The following EPHA6 variants were observed in gnomAD, a reference collection of about 807,000 sequenced individuals.
The protein encoded by EPHA6 is EPH receptor A6, also known as ephrin type-A receptor 6.
In EPHA6, 50 loss-of-function variants were observed where a neutral mutation model predicts 112.0. That is an observed-to-expected ratio of 0.45 (90% CI 0.36 to 0.56). The LOEUF is 0.56. Ranked by LOEUF, EPHA6 falls within the 20% of genes least tolerant of loss-of-function variation. The probability of loss-of-function intolerance (pLI) is 0.00; values close to 1 mark genes in which losing one functional copy is unlikely to be tolerated. For synonymous variants in EPHA6, 529 were observed against 490.7 expected (o/e 1.08, Z -1.03); for missense variants, 1,280 against 1,417.4 (o/e 0.90, Z 1.56).
intron 15 of EPHA6, 119 bp downstream of exon 15, chr3:97,720,529 G>T: frequency 1.2e-6 from 1 of 822,048 alleles, no homozygotes; most frequent in Non-Finnish European, 1.8e-6. Flanking sequence ...ACTTCTCATG[G>T]TCTATGGCTG....
chr3:97,053,765 A>T (rs756279586), intron 3 of EPHA6, among the ~76,000 whole-genome samples: 6 of 152,238 alleles, frequency 3.9e-5, no homozygotes, highest in South Asian at 2.1e-4. Flanking sequence ...TTTTACATTT[A>T]TCCGAATGAG....
intron 10 of EPHA6, among the ~76,000 whole-genome samples, chr3:97,527,189 T>C (rs2092633086): frequency 1.3e-5 from 2 of 152,172 alleles, no homozygotes; most frequent in Admixed American, 1.3e-4. Flanking sequence ...TGGATGCTTT[T>C]GGAAGCAGGC....
intron 5 of EPHA6, among the ~76,000 whole-genome samples, chr3:97,282,818 A>T (rs941421920): frequency 2.0e-5 from 3 of 152,182 alleles, no homozygotes; most frequent in Non-Finnish European, 4.4e-5. Context: ...GGGGAACAAC[A>T]CACACCGGGG....
chr3:96,992,897 A>G (rs979769417), intron 3 of EPHA6, among the ~76,000 whole-genome samples: 2 of 152,124 alleles, frequency 1.3e-5, no homozygotes, highest in African/African-American at 2.4e-5. Flanking sequence ...CAAAGTTATT[A>G]TCACTCTCCT....
chr3:97,054,681 G>C (rs1343129373), intron 3 of EPHA6, among the ~76,000 whole-genome samples: 1 of 150,362 alleles, frequency 6.7e-6, no homozygotes, highest in East Asian at 2.0e-4. Context: ...TCAATAATAA[G>C]AAAGAAATAT....
intron 13 of EPHA6, among the ~76,000 whole-genome samples, chr3:97,618,668 T>C (rs1576094453): frequency 6.6e-6 from 1 of 151,968 alleles, no homozygotes; most frequent in East Asian, 1.9e-4. Flanking sequence ...CTAGAAGAAA[T>C]TGATAAGTTC....
intron 1 of EPHA6, among the ~76,000 whole-genome samples, chr3:96,821,299 C>A (rs1022796184): frequency 3.3e-5 from 5 of 151,820 alleles, no homozygotes; most frequent in African/African-American, 1.2e-4. Context: ...TTAGAAAATT[C>A]ATATTCTGGA....
intron 3 of EPHA6, among the ~76,000 whole-genome samples, chr3:97,194,617 G>C (rs939695180): frequency 3.5e-5 from 5 of 144,500 alleles, no homozygotes; most frequent in Non-Finnish European, 7.7e-5. Context: ...TCCACTGTTT[G>C]TTGTTGATTT....
At chr3:97,456,430 T>C (rs934850491) in intron 7 of EPHA6, among the ~76,000 whole-genome samples, 1 of 152,084 alleles carries the variant, frequency 6.6e-6, no homozygotes, top group Admixed American at 6.6e-5. Flanking sequence ...CTTTCTCATT[T>C]TTATACCTCT....
At chr3:97,267,284 C>T (rs1000488877) in intron 5 of EPHA6, among the ~76,000 whole-genome samples, 1 of 151,818 alleles carries the variant, frequency 6.6e-6, no homozygotes, top group Non-Finnish European at 1.5e-5. Flanking sequence ...TCTCTTAATG[C>T]TTTTTATGAA....
intron 2 of EPHA6, among the ~76,000 whole-genome samples, chr3:96,948,067 A>G (rs2041362016): frequency 1.3e-5 from 2 of 152,112 alleles, no homozygotes; most frequent in Admixed American, 6.6e-5. Context: ...TGTACCTGGG[A>G]TTTTTGAAAA....
chr3:97,026,587 A>C (rs1335167761), intron 3 of EPHA6, among the ~76,000 whole-genome samples: 1 of 152,022 alleles, frequency 6.6e-6, no homozygotes, highest in African/African-American at 2.4e-5. Flanking sequence ...TAAAGAACTT[A>C]AAGAAATTTA....
chr3:97,564,091 G>C (rs1048686871), intron 11 of EPHA6, among the ~76,000 whole-genome samples: 1 of 151,498 alleles, frequency 6.6e-6, no homozygotes, highest in African/African-American at 2.4e-5. Context: ...AAAGCGTTAA[G>C]TTAATTAGGG....
intron 10 of EPHA6, among the ~76,000 whole-genome samples, chr3:97,488,764 G>A (rs1323596942): frequency 6.6e-6 from 1 of 152,128 alleles, no homozygotes; most frequent in African/African-American, 2.4e-5. Flanking sequence ...TCAACTTAAA[G>A]GATTTATGGT....
intron 5 of EPHA6, among the ~76,000 whole-genome samples, chr3:97,395,663 T>C (rs2086656199): frequency 6.6e-6 from 1 of 151,732 alleles, no homozygotes; most frequent in Non-Finnish European, 1.5e-5. Flanking sequence ...TATTATTCTT[T>C]ATTGACATTT....
At chr3:97,037,487 C>T (rs192392092) in intron 3 of EPHA6, among the ~76,000 whole-genome samples, 2 of 152,064 alleles carry the variant, frequency 1.3e-5, no homozygotes, top group Admixed American at 1.3e-4. Context: ...CAAGAGAATA[C>T]TGATGTGTCA....
chr3:97,511,225 G>GA (rs59014132), intron 10 of EPHA6, among the ~76,000 whole-genome samples: 115 of 146,892 alleles, frequency 7.8e-4, no homozygotes, highest in Middle Eastern at 3.5e-3. Context: ...ACTGGGGTAT[G>GA]AAAAAAAAAA....
intron 5 of EPHA6, among the ~76,000 whole-genome samples, chr3:97,308,173 A>C (rs2081399304): frequency 6.6e-6 from 1 of 151,482 alleles, no homozygotes; most frequent in Non-Finnish European, 1.5e-5. Flanking sequence ...TTCTAATTCC[A>C]CTAATTTCCT....
At chr3:96,886,623 A>T (rs1340656684) in intron 2 of EPHA6, among the ~76,000 whole-genome samples, 1 of 152,176 alleles carries the variant, frequency 6.6e-6, no homozygotes, top group African/African-American at 2.4e-5. Flanking sequence ...GTGAGTTCTT[A>T]TCCATTCTGT....
Sources: allele counts gnomAD v4.1 joint callset (sites outside exome capture counted in the v4.1 genomes callset), GRCh38; gene constraint gnomAD v4.1.1; transcripts MANE v1.5; gene names NCBI Gene and HGNC (gene_info 2026-07-23, HGNC 2026-07-21).